DAG1: variants seen among roughly 807,000 people sequenced by gnomAD.
DAG1 encodes dystroglycan 1 (dystrophin-associated glycoprotein 1).
DAG1 carries 8 observed loss-of-function variants against 46.1 expected under a neutral mutation model. The observed-to-expected ratio is 0.17, with a 90% CI of 0.10 to 0.31. DAG1 has a LOEUF of 0.31. DAG1 is among the 10% of genes least tolerant of loss of function. The pLI is 1.00. For missense variants in DAG1, 1,003 were observed against 1,189.9 expected (o/e 0.84, Z 2.31); for synonymous variants, 495 against 481.8 (o/e 1.03, Z -0.36).
chr3:49,481,165 G>A (rs1354329838), intron 1 of DAG1, among the ~76,000 whole-genome samples: 6 of 147,846 alleles, frequency 4.1e-5, no homozygotes, highest in Admixed American at 2.7e-4. Context: ...TGAGGCGGGC[G>A]GATCACAAGG....
chr3:49,526,871 G>A (rs1332741182), intron 2 of DAG1, among the ~76,000 whole-genome samples: 1 of 145,190 alleles, frequency 6.9e-6, no homozygotes, highest in Non-Finnish European at 1.5e-5. Context: ...AGTGTTTATT[G>A]TTTGTTACAT....
chr3:49,511,089 G>T, intron 2 of DAG1: 1 of 628,288 alleles, frequency 1.6e-6, no homozygotes, highest in Non-Finnish European at 2.0e-6. Flanking sequence ...TTAGGGATTT[G>T]TTGGAAAGGT....
chr3:49,482,663 A>G (rs748089964), intron 1 of DAG1, among the ~76,000 whole-genome samples: 1 of 152,158 alleles, frequency 6.6e-6, no homozygotes, highest in Non-Finnish European at 1.5e-5. Context: ...TGTCCTTATT[A>G]TGATGCAAAT....
chr3:49,530,750 T>A, intron 2 of DAG1, 47 bp from the exon 3 acceptor site: 1 of 1,613,804 alleles, frequency 6.2e-7, no homozygotes, highest in Non-Finnish European at 8.5e-7. Flanking sequence ...ATATTCAGGT[T>A]ATGCAGTGAC....
chr3:49,533,405 A>G lies in DAG1; in HGVS notation c.*206A>G, dbSNP rs980262056. ...CTGGAGAGACTTTGGGGACTTTTTT[A>G]TTTTTATTTTTTGCCTAACAGCTTT... On this transcript the variant is annotated 3_prime_UTR_variant, in exon 3 of 3. Transcript: ENST00000308775. 2.6e-6 allele frequency: 2 copies of G among 782,274 alleles called. No homozygotes were observed. The highest frequency in any genetic ancestry group is 4.0e-5 in the Admixed American group (2 of 49,930). The allele number at this position is 782,274 out of a possible 1,614,324, so 48.5% of individuals were successfully genotyped here.
chr3:49,470,723 C>G (rs994151219), intron 1 of DAG1: 3 of 152,300 alleles, frequency 2.0e-5, no homozygotes, highest in African/African-American at 7.2e-5. Flanking sequence ...AACGTGGAGC[C>G]TGCGCCTTGG....
rs2050341668 is a variant in DAG1 at position 49,497,378 on chromosome 3, A to C, written c.-116-13041A>C. ...CTTGAACCCAGGAGGCGGAGGTTGC[A>C]GTGAGCCGAGATTGTGCTGATGCAC... On this transcript the variant is annotated intron_variant, in intron 1 of 2. Transcript: ENST00000308775. 2.0e-5 allele frequency among the ~76,000 whole-genome samples: 3 copies of C among 150,002 alleles called. No homozygotes were observed. The Admixed American group carries it at 2.0e-4, about 10-fold the overall frequency.
chr3:49,499,678 A>G (rs1416202092), intron 1 of DAG1, among the ~76,000 whole-genome samples: 1 of 152,098 alleles, frequency 6.6e-6, no homozygotes, highest in Non-Finnish European at 1.5e-5. Flanking sequence ...CTGGCTCCTC[A>G]TGGGCATCTC....
At chr3:49,470,616 T>G (rs2049489030) in intron 1 of DAG1, 183 bp downstream of exon 1, 1 of 152,142 alleles carries the variant, frequency 6.6e-6, no homozygotes, top group Non-Finnish European at 1.5e-5. Context: ...CCCTTTGCTC[T>G]GGGTCCCGCA....
intron 1 of DAG1, among the ~76,000 whole-genome samples, chr3:49,496,697 G>A (rs893656821): frequency 2.0e-5 from 3 of 150,424 alleles, no homozygotes; most frequent in African/African-American, 4.9e-5. Context: ...CACAATCTCG[G>A]CTCACTGCAA....
intron 2 of DAG1, among the ~76,000 whole-genome samples, chr3:49,515,377 A>ATTTT (rs2050871086): frequency 7.7e-6 from 1 of 130,330 alleles, no homozygotes; most frequent in Non-Finnish European, 1.6e-5. Context: ...GCTGCCTAAT[A>ATTTT]TTCTTGTGTT....
chr3:49,521,215 G>A (rs2051017427), intron 2 of DAG1, among the ~76,000 whole-genome samples: 1 of 152,128 alleles, frequency 6.6e-6, no homozygotes, highest in Non-Finnish European at 1.5e-5. Context: ...CCAGGCTGGA[G>A]TGCAGTGGCG....
intron 1 of DAG1, among the ~76,000 whole-genome samples, chr3:49,495,949 A>AG (rs2050299699): frequency 6.6e-6 from 1 of 151,728 alleles, no homozygotes; most frequent in Non-Finnish European, 1.5e-5. Context: ...ACAAAAAAAC[A>AG]GAAAAAAAAA....
chr3:49,507,557 A>G (rs993296358), intron 1 of DAG1, among the ~76,000 whole-genome samples: 21 of 152,148 alleles, frequency 1.4e-4, no homozygotes, highest in Non-Finnish European at 7.3e-5. Context: ...GCAAGGCTCC[A>G]TCTCAAATAA....
chr3:49,508,194 CTTTTTTTTT>C (rs11344604), intron 1 of DAG1, among the ~76,000 whole-genome samples: 9 of 73,546 alleles, frequency 1.2e-4, no homozygotes, highest in Middle Eastern at 8.5e-3. Context: ...GTTTATTTTG[CTTTTTTTTT>C]TTTTTTTTTA....
Position 49,480,854 on chromosome 3 carries a change from C to T in DAG1, c.-117+10421C>T, listed in dbSNP as rs182263824. On this transcript the variant is annotated intron_variant, in intron 1 of 2. Coordinates refer to ENST00000308775, the MANE Select transcript of DAG1 (RefSeq NM_004393.6). ...TCGGCTCACTGCAAGCTCCGCCTCC[C>T]GGGTTCACGCCATTCTTCTGCCTCA... 1.4e-3 allele frequency among the ~76,000 whole-genome samples: 186 copies of T among 131,048 alleles called. 4 individuals carry two copies. Among genetic ancestry groups the T allele is most frequent in the African/African-American group, 4.0e-3 (155 of 38,706 alleles). The allele number at this position is 131,048 out of a possible 152,430, so 86.0% of individuals were successfully genotyped here.
chr3:49,473,745 G>C (rs2049594657), intron 1 of DAG1, among the ~76,000 whole-genome samples: 1 of 151,732 alleles, frequency 6.6e-6, no homozygotes. Context: ...ACCACGCCAG[G>C]CTAATTTTTT....
intron 2 of DAG1, among the ~76,000 whole-genome samples, chr3:49,513,006 A>T (rs1203946211): frequency 6.6e-6 from 1 of 152,106 alleles, no homozygotes; most frequent in East Asian, 1.9e-4. Context: ...TTCTACATAC[A>T]TTTAGTGCTC....
At chr3:49,496,536 A>G (rs2050315528) in intron 1 of DAG1, among the ~76,000 whole-genome samples, 1 of 147,146 alleles carries the variant, frequency 6.8e-6, no homozygotes, top group African/African-American at 2.5e-5. Flanking sequence ...TTTTTTTTGT[A>G]TTTTTAGTAG....
Sources: allele counts gnomAD v4.1 joint callset (sites outside exome capture counted in the v4.1 genomes callset), GRCh38; gene constraint gnomAD v4.1.1; transcripts MANE v1.5; gene names NCBI Gene and HGNC (gene_info 2026-07-23, HGNC 2026-07-21).